The following PACRG variants were observed in gnomAD, a reference collection of about 807,000 sequenced individuals.
PACRG encodes parkin coregulated.
In PACRG, 29 loss-of-function variants were observed where a neutral mutation model predicts 29.7. The ratio of observed to expected loss-of-function variants is 0.98; its 90% confidence interval spans 0.73 to 1.33. The LOEUF (loss-of-function observed/expected upper bound fraction) is 1.33, where lower values mean the gene tolerates loss of function less well. Among genes scored for constraint, PACRG ranks in the 40% most tolerant of loss-of-function variants. The pLI, the probability that PACRG is intolerant of heterozygous loss-of-function variation, is 0.00. For missense variants in PACRG, 279 were observed against 316.2 expected (o/e 0.88, Z 0.89); for synonymous variants, 116 against 118.7 (o/e 0.98, Z 0.15).
intron 2 of PACRG, among the ~76,000 whole-genome samples, chr6:162,891,675 C>T (rs1182713226): frequency 6.6e-6 from 1 of 152,080 alleles, no homozygotes; most frequent in Non-Finnish European, 1.5e-5. Flanking sequence ...ATTTGGTTTG[C>T]CACCTGAAAA....
intron 1 of PACRG, among the ~76,000 whole-genome samples, chr6:162,736,496 A>C (rs1780174440): frequency 6.6e-6 from 1 of 152,160 alleles, no homozygotes; most frequent in Non-Finnish European, 1.5e-5. Flanking sequence ...AAGAGCACAG[A>C]GCTGAACGAC....
At chr6:162,748,446 T>A (rs1442343218) in intron 1 of PACRG, among the ~76,000 whole-genome samples, 1 of 152,058 alleles carries the variant, frequency 6.6e-6, no homozygotes, top group Non-Finnish European at 1.5e-5. Context: ...GTGACTGAGA[T>A]CGGACCACTG....
intron 2 of PACRG, among the ~76,000 whole-genome samples, chr6:162,825,148 T>G (rs1469141747): frequency 6.6e-6 from 1 of 152,220 alleles, no homozygotes; most frequent in Non-Finnish European, 1.5e-5. Flanking sequence ...TACCTATGTA[T>G]CTACATATTG....
At chr6:162,802,894 CTTG>C (rs1388805162) in intron 1 of PACRG, among the ~76,000 whole-genome samples, 5 of 152,164 alleles carry the variant, frequency 3.3e-5, no homozygotes, top group Middle Eastern at 3.2e-3. Context: ...ATAGAATCCT[CTTG>C]TTGTTAAATA....
chr6:163,252,106 G>C (rs915331534), intron 4 of PACRG, among the ~76,000 whole-genome samples: 10 of 152,258 alleles, frequency 6.6e-5, no homozygotes, highest in African/African-American at 2.2e-4. Context: ...ACCGCAAAAC[G>C]CTCCCACGTG....
chr6:163,286,871 T>C (rs1157807242), intron 4 of PACRG, among the ~76,000 whole-genome samples: 3 of 152,222 alleles, frequency 2.0e-5, no homozygotes, highest in Non-Finnish European at 4.4e-5. Context: ...TGTGTTTATG[T>C]GTACACGTGT....
At chr6:163,080,339 A>G (rs2128290563) in intron 3 of PACRG, among the ~76,000 whole-genome samples, 1 of 152,268 alleles carries the variant, frequency 6.6e-6, no homozygotes, top group Non-Finnish European at 1.5e-5. Context: ...ATTTAGGTAC[A>G]GAGGAGCAAG....
chr6:162,836,726 A>ATT (rs777695468), intron 2 of PACRG, among the ~76,000 whole-genome samples: 9,761 of 152,200 alleles, frequency 0.064, 441 homozygotes, highest in East Asian at 0.26. Context: ...TTGATTTAAA[A>ATT]GAGTGTTTTC....
intron 4 of PACRG, among the ~76,000 whole-genome samples, chr6:163,212,690 T>A (rs925103915): frequency 1.3e-5 from 2 of 152,068 alleles, no homozygotes; most frequent in African/African-American, 4.8e-5. Flanking sequence ...TGATGAAAAA[T>A]TGTATATTTA....
chr6:163,003,122 C>G (rs1372414902), intron 2 of PACRG, among the ~76,000 whole-genome samples: 1 of 152,178 alleles, frequency 6.6e-6, no homozygotes, highest in African/African-American at 2.4e-5. Flanking sequence ...TCCAACATGG[C>G]AGTCTAGTGC....
At chr6:162,835,539 T>G (rs1789147713) in intron 2 of PACRG, among the ~76,000 whole-genome samples, 1 of 152,106 alleles carries the variant, frequency 6.6e-6, no homozygotes, top group Non-Finnish European at 1.5e-5. Flanking sequence ...TGCAAACAAT[T>G]TTTTAGCCAT....
intron 2 of PACRG, among the ~76,000 whole-genome samples, chr6:162,858,874 T>C (rs1412673189): frequency 6.6e-6 from 1 of 152,216 alleles, no homozygotes; most frequent in Non-Finnish European, 1.5e-5. Flanking sequence ...CCTGCGGTCA[T>C]GGCCTGTTTC....
intron 4 of PACRG, among the ~76,000 whole-genome samples, chr6:163,153,436 C>A (rs749699124): frequency 2.6e-5 from 4 of 152,118 alleles, no homozygotes; most frequent in Non-Finnish European, 5.9e-5. Flanking sequence ...ATGCTCCTTT[C>A]AAAATTGTTT....
At chr6:162,813,094 A>G (rs1301746837) in intron 1 of PACRG, among the ~76,000 whole-genome samples, 2 of 152,000 alleles carry the variant, frequency 1.3e-5, no homozygotes, top group Non-Finnish European at 2.9e-5. Context: ...TATTTTTCAT[A>G]TCTAATATGT....
At chr6:162,866,305 A>G (rs1792291969) in intron 2 of PACRG, among the ~76,000 whole-genome samples, 1 of 152,220 alleles carries the variant, frequency 6.6e-6, no homozygotes, top group African/African-American at 2.4e-5. Context: ...TGAATGCAGC[A>G]TATAGAGTCC....
In PACRG at chr6:163,262,443, A is replaced by G. The variant is rs527351835; in HGVS notation, c.614-52384A>G. 5.3e-4 allele frequency among the ~76,000 whole-genome samples: 81 copies of G among 152,302 alleles called. 1 individual carries two copies. Among genetic ancestry groups the G allele is most frequent in the African/African-American group, 1.7e-3 (71 of 41,562 alleles). On this transcript the variant is annotated intron_variant, in intron 4 of 4. Transcript: ENST00000366888. ...AGGAAGAAAATCTTTGTGTAAATTC[A>G]GGTTGGCTTTATAATGATCCGGCAA...
chr6:163,011,279 C>T (rs772620016), intron 2 of PACRG, among the ~76,000 whole-genome samples: 2 of 152,166 alleles, frequency 1.3e-5, no homozygotes, highest in Non-Finnish European at 1.5e-5. Context: ...CACACCTGGA[C>T]GGGACAACCC....
intron 4 of PACRG, among the ~76,000 whole-genome samples, chr6:163,286,724 C>G (rs1784412895): frequency 1.3e-5 from 2 of 152,176 alleles, no homozygotes; most frequent in South Asian, 2.1e-4. Context: ...TCCCTTCCTG[C>G]TCCCCAAAAG....
At chr6:163,232,900 G>A (rs913869491) in intron 4 of PACRG, among the ~76,000 whole-genome samples, 4 of 151,548 alleles carry the variant, frequency 2.6e-5, no homozygotes, top group South Asian at 2.1e-4. Flanking sequence ...CTCCACCCCC[G>A]AAACCAGCCC....
Sources: allele counts gnomAD v4.1 joint callset (sites outside exome capture counted in the v4.1 genomes callset), GRCh38; gene constraint gnomAD v4.1.1; transcripts MANE v1.5; gene names NCBI Gene and HGNC (gene_info 2026-07-23, HGNC 2026-07-21).